PDSS2: variants seen among roughly 807,000 people sequenced by gnomAD.
PDSS2 encodes decaprenyl diphosphate synthase subunit 2.
A neutral mutation model predicts 44.5 loss-of-function variants in PDSS2; 31 were observed. That is an observed-to-expected ratio of 0.70 (90% CI 0.52 to 0.94). The LOEUF (loss-of-function observed/expected upper bound fraction) is 0.94, where lower values mean the gene tolerates loss of function less well. PDSS2 is among the 40% of genes least tolerant of loss of function. The probability of loss-of-function intolerance (pLI) is 0.00; values close to 1 mark genes in which losing one functional copy is unlikely to be tolerated. For synonymous variants in PDSS2, 157 were observed against 180.3 expected (o/e 0.87, Z 1.03); for missense variants, 452 against 482.2 (o/e 0.94, Z 0.59).
intron 1 of PDSS2, among the ~76,000 whole-genome samples, chr6:107,451,233 C>T (rs9486621): frequency 0.067 from 10,126 of 152,260 alleles, 419 homozygotes; most frequent in Non-Finnish European, 0.092. Flanking sequence ...TTATCTGCAT[C>T]GTTACTAGAA....
At chr6:107,348,291 A>G (rs758943335) in intron 1 of PDSS2, among the ~76,000 whole-genome samples, 8 of 152,218 alleles carry the variant, frequency 5.3e-5, no homozygotes, top group Non-Finnish European at 1.2e-4. Flanking sequence ...AGGCTTAGAG[A>G]CAGGTTAGCG....
At chr6:107,374,456 C>T (rs553477354) in intron 1 of PDSS2, among the ~76,000 whole-genome samples, 15 of 152,242 alleles carry the variant, frequency 9.9e-5, no homozygotes, top group Admixed American at 5.9e-4. Flanking sequence ...TTCCTAAGGA[C>T]CTACTATGTG....
chr6:107,226,009 A>G (rs1198308920), intron 4 of PDSS2, among the ~76,000 whole-genome samples: 2 of 152,220 alleles, frequency 1.3e-5, no homozygotes, highest in Non-Finnish European at 2.9e-5. Flanking sequence ...GGATAACCGC[A>G]CAAAGAAATA....
At position 107,311,420 on chromosome 6, in the gene PDSS2, C is replaced by T. The variant is rs1433585268; in HGVS notation, c.431+22778G>A. ...TGGGGGTTTCATTATGTTGCCCAGGCTAGTCTTGAACTCCTGGGCTCAAGT... is the reference window on the plus strand; with the variant it reads ...TGGGGGTTTCATTATGTTGCCCAGGTTAGTCTTGAACTCCTGGGCTCAAGT... On this transcript the variant is annotated intron_variant, in intron 2 of 7. Coordinates refer to ENST00000369037, the MANE Select transcript of PDSS2 (RefSeq NM_020381.4). 3.9e-5 allele frequency among the ~76,000 whole-genome samples: 6 copies of T among 151,972 alleles called. No individual in the cohort carries two copies. The East Asian group carries it at 9.6e-4, about 24-fold the overall frequency.
chr6:107,396,499 T>C (rs1779943891), intron 1 of PDSS2, among the ~76,000 whole-genome samples: 2 of 152,178 alleles, frequency 1.3e-5, no homozygotes, highest in Admixed American at 1.3e-4. Context: ...TGCCCAGTTA[T>C]TCAGTTGTTT....
chr6:107,448,086 CA>C (rs984520589), intron 1 of PDSS2, among the ~76,000 whole-genome samples: 5 of 152,276 alleles, frequency 3.3e-5, no homozygotes, highest in Admixed American at 1.3e-4. Context: ...CTGCATACAG[CA>C]GGGGGGGCTG....
chr6:107,191,005 C>G (rs1772358062), intron 7 of PDSS2, among the ~76,000 whole-genome samples: 1 of 152,094 alleles, frequency 6.6e-6, no homozygotes, highest in African/African-American at 2.4e-5. Context: ...CATTCTCCTG[C>G]CTCAGCCTCC....
chr6:107,339,693 C>T (rs192263425), intron 1 of PDSS2, among the ~76,000 whole-genome samples: 327 of 150,070 alleles, frequency 2.2e-3, no homozygotes, highest in Admixed American at 3.8e-3. Context: ...GAGTTGATAT[C>T]CAAAGGAAAA....
chr6:107,241,519 T>G (rs1205019119), intron 4 of PDSS2, among the ~76,000 whole-genome samples: 1 of 151,682 alleles, frequency 6.6e-6, no homozygotes. Flanking sequence ...GCTAATTTTT[T>G]GTATTTTTAG....
intron 2 of PDSS2, among the ~76,000 whole-genome samples, chr6:107,286,083 T>A (rs1417814112): frequency 7.3e-6 from 1 of 136,816 alleles, no homozygotes; most frequent in Non-Finnish European, 1.5e-5. Context: ...GAGGTTGCAG[T>A]GAGCCAAGAT....
At chr6:107,360,737 G>A (rs964506450) in intron 1 of PDSS2, among the ~76,000 whole-genome samples, 15 of 152,118 alleles carry the variant, frequency 9.9e-5, no homozygotes, top group African/African-American at 1.4e-4. Context: ...AGAAGAGAGC[G>A]GTCTGTGTTT....
At chr6:107,200,907 C>T (rs146734543) in intron 6 of PDSS2, among the ~76,000 whole-genome samples, 3 of 152,154 alleles carry the variant, frequency 2.0e-5, no homozygotes, top group Non-Finnish European at 2.9e-5. Flanking sequence ...TCAGGTGATC[C>T]GCCCACCTCA....
At chr6:107,444,206 T>G (rs1482445192) in intron 1 of PDSS2, among the ~76,000 whole-genome samples, 1 of 152,122 alleles carries the variant, frequency 6.6e-6, no homozygotes, top group African/African-American at 2.4e-5. Flanking sequence ...TTTTAATTTT[T>G]TTTTTATATA....
intron 2 of PDSS2, among the ~76,000 whole-genome samples, chr6:107,302,275 C>CTT (rs780389298): frequency 2.1e-5 from 3 of 143,930 alleles, no homozygotes; most frequent in Non-Finnish European, 3.1e-5. Flanking sequence ...AACTTTCCCT[C>CTT]TTTTTTTTTT....
intron 6 of PDSS2, among the ~76,000 whole-genome samples, chr6:107,200,528 T>C (rs1340060459): frequency 6.6e-6 from 1 of 152,194 alleles, no homozygotes; most frequent in African/African-American, 2.4e-5. Flanking sequence ...TGTGCTTCTA[T>C]GTGCATCAGG....
At chr6:107,346,719 AATG>A (rs1471438194) in intron 1 of PDSS2, among the ~76,000 whole-genome samples, 2 of 152,244 alleles carry the variant, frequency 1.3e-5, no homozygotes, top group African/African-American at 4.8e-5. Context: ...CTGGAAAGAT[AATG>A]ATTACAGCAG....
intron 7 of PDSS2, among the ~76,000 whole-genome samples, chr6:107,164,737 GCCACACTGTCTT>G (rs1554247241): frequency 6.6e-6 from 1 of 152,154 alleles, no homozygotes; most frequent in Non-Finnish European, 1.5e-5. Context: ...TTGAGGAATC[GCCACACTGTCTT>G]CCACAATGGT....
At chr6:107,363,342 G>A (rs890657843) in intron 1 of PDSS2, among the ~76,000 whole-genome samples, 21 of 152,190 alleles carry the variant, frequency 1.4e-4, no homozygotes, top group Admixed American at 2.0e-4. Flanking sequence ...CAGCTCTTAA[G>A]GTGGCGCGTC....
At chr6:107,363,449 C>G (rs1417514403) in intron 1 of PDSS2, among the ~76,000 whole-genome samples, 1 of 152,070 alleles carries the variant, frequency 6.6e-6, no homozygotes, top group Non-Finnish European at 1.5e-5. Flanking sequence ...TGCAGACCTT[C>G]GCGGTGAGTG....
Sources: gnomAD v4.1 joint callset for allele counts (sites outside exome capture counted in the v4.1 genomes callset) on GRCh38, gnomAD v4.1.1 for gene constraint, MANE v1.5 for transcripts, NCBI Gene and HGNC (gene_info 2026-07-23, HGNC 2026-07-21) for gene names.